The following SUFU variants were observed in gnomAD, a reference collection of about 807,000 sequenced individuals.
The protein encoded by SUFU is SUFU negative regulator of hedgehog signaling.
Under a neutral mutation model 58.9 loss-of-function variants are expected in SUFU, and 7 were observed. The ratio of observed to expected loss-of-function variants is 0.12; its 90% CI spans 0.07 to 0.22. The LOEUF is 0.22. SUFU is among the 10% of genes least tolerant of loss of function. The pLI, the probability that SUFU is intolerant of heterozygous loss-of-function variation, is 1.00. For missense variants in SUFU, 451 were observed against 641.3 expected (o/e 0.70, Z 3.20); for synonymous variants, 232 against 254.8 (o/e 0.91, Z 0.85).
At chr10:102,518,460 T>C (rs1214630840) in intron 2 of SUFU, among the ~76,000 whole-genome samples, 1 of 152,118 alleles carries the variant, frequency 6.6e-6, no homozygotes, top group Non-Finnish European at 1.5e-5. Flanking sequence ...AGAAAGTGCT[T>C]TGTGGGGGGA....
At position 102,569,089 on chromosome 10, in the gene SUFU, A is replaced by G. The variant is rs553237824; in HGVS notation, c.454+18983A>G. On this transcript the variant is annotated intron_variant, in intron 3 of 11. Transcript: ENST00000369902. Reference sequence around the variant, plus strand: ...TTTCCAGTTTTCCCTATTTTAAACAACACTATAAGATTGTTGCCCATATAT... The same window carrying G: ...TTTCCAGTTTTCCCTATTTTAAACAGCACTATAAGATTGTTGCCCATATAT... Among the ~76,000 whole-genome samples the G allele has an allele frequency of 2.0e-5, 3 of 151,292 alleles. No homozygotes were observed. In the East Asian group the frequency reaches 5.8e-4, roughly 29 times the overall value.
At chr10:102,618,795 C>CGGGCTGCT in intron 10 of SUFU, 2 of 540,632 alleles carry the variant, frequency 3.7e-6, no homozygotes, top group East Asian at 5.9e-5. Context: ...AGCCATGTCC[C>CGGGCTGCT]GGGCTGCTGC....
chr10:102,509,094 A>C (rs2062366041), intron 1 of SUFU, 75 bp from the exon 2 acceptor site: 89 of 1,604,910 alleles, frequency 5.5e-5, no homozygotes, highest in Non-Finnish European at 7.3e-5. Flanking sequence ...TTAGGTTTAC[A>C]AAGTAGAGCG....
At chr10:102,506,538 C>G (rs1286156947) in intron 1 of SUFU, among the ~76,000 whole-genome samples, 5 of 152,172 alleles carry the variant, frequency 3.3e-5, no homozygotes, top group African/African-American at 4.8e-5. Flanking sequence ...GCCACCTTGC[C>G]CAGCTAATTT....
At chr10:102,592,020 T>C (rs1206500281) in intron 3 of SUFU, among the ~76,000 whole-genome samples, 3 of 152,216 alleles carry the variant, frequency 2.0e-5, no homozygotes, top group African/African-American at 2.4e-5. Flanking sequence ...GACCTCCATT[T>C]ACTTGAAGCC....
chr10:102,545,392 C>G (rs937408045), intron 2 of SUFU, among the ~76,000 whole-genome samples: 8 of 151,668 alleles, frequency 5.3e-5, no homozygotes, highest in Admixed American at 4.6e-4. Flanking sequence ...CCTCGGTCCC[C>G]CAAAGTGCTG....
At chr10:102,618,979 T>TGTGTGTGTGTG (rs1370534915) in intron 10 of SUFU, 1 of 988,234 alleles carries the variant, frequency 1.0e-6, no homozygotes, top group Non-Finnish European at 1.6e-6. Context: ...TGTGTGTGTG[T>TGTGTGTGTGTG]AATGTTCAAG....
rs2063722049 is a variant in SUFU, at chr10:102,619,489, T to G, written c.1296+2061T>G. 8.5e-7 allele frequency: 1 copy of G among 1,179,724 alleles called. No individual in the cohort carries two copies. Among genetic ancestry groups the G allele is most frequent in the Non-Finnish European group, 1.1e-6 (1 of 947,796 alleles). The allele number at this position is 1,179,724 out of a possible 1,614,324, so 73.1% of individuals were successfully genotyped here. ...TCAAAGGCCTGTGTTATGGGCTCAT[T>G]AGTGTGGTCCACCACGGGGCCGGCT... On this transcript the variant is annotated intron_variant, in intron 10 of 11. Transcript: ENST00000369902. The surrounding 1 kb of genome is among the most constrained non-coding windows in gnomAD (Gnocchi z 4.2).
rs138165977 is a variant in SUFU at position 102,601,218 on chromosome 10, C to T, written c.1022+1674C>T. ...CCCCGCTTGTGTATCTGGAACAGGC[C>T]TGAGATCTCACTCCCTGGCTTGGGG... is the stretch of plus-strand genomic sequence containing the variant. On this transcript the variant is annotated intron_variant, in intron 8 of 11. Transcript: ENST00000369902. Among the ~76,000 whole-genome samples the T allele has an allele frequency of 4.9e-3, 742 of 152,278 alleles. 4 individuals carry two copies. Among genetic ancestry groups the T allele is most frequent in the African/African-American group, 0.017 (696 of 41,572 alleles).
chr10:102,555,457 C>T (rs920959062), intron 3 of SUFU, among the ~76,000 whole-genome samples: 1 of 151,718 alleles, frequency 6.6e-6, no homozygotes, highest in Non-Finnish European at 1.5e-5. Flanking sequence ...CTTACTCACA[C>T]GGAAAATCAG....
rs755684177 is a variant in SUFU, at chr10:102,593,591, G to A, written c.598-45G>A. 1.4e-5 allele frequency: 23 copies of A among 1,596,708 alleles called. No homozygotes were observed. The East Asian group carries it at 4.9e-4, about 34-fold the overall frequency. On this transcript the variant is annotated intron_variant, in intron 4 of 11. Coordinates refer to ENST00000369902, the MANE Select transcript of SUFU (RefSeq NM_016169.4). ...TGGGTAGCTGACCTTCTTGGGGTGG[G>A]GGGTGGCCATTAACACACAATGGGC...
At chr10:102,604,439 C>A (rs1429755388) in intron 8 of SUFU, among the ~76,000 whole-genome samples, 1 of 152,180 alleles carries the variant, frequency 6.6e-6, no homozygotes, top group Non-Finnish European at 1.5e-5. Context: ...GAGATGAAGT[C>A]ACGGCCATTG....
chr10:102,616,001 G>A (rs1475380282), intron 9 of SUFU, among the ~76,000 whole-genome samples: 2 of 152,170 alleles, frequency 1.3e-5, no homozygotes, highest in African/African-American at 2.4e-5. Context: ...GACAAGCCCA[G>A]GGCAGGGATG....
At chr10:102,606,764 A>T (rs929157048) in intron 8 of SUFU, among the ~76,000 whole-genome samples, 1 of 152,172 alleles carries the variant, frequency 6.6e-6, no homozygotes, top group African/African-American at 2.4e-5. Flanking sequence ...TGAGAGAGGC[A>T]TACTAAAAAA....
chr10:102,513,601 G>A (rs1245654585), intron 2 of SUFU, among the ~76,000 whole-genome samples: 4 of 152,216 alleles, frequency 2.6e-5, no homozygotes, highest in African/African-American at 9.6e-5. Flanking sequence ...AACACGGTCT[G>A]GGAGCAGAGC....
chr10:102,583,812 C>T (rs937604301), intron 3 of SUFU, among the ~76,000 whole-genome samples: 15 of 152,120 alleles, frequency 9.9e-5, no homozygotes, highest in Admixed American at 6.6e-4. Flanking sequence ...CCGATTAACT[C>T]GTCATTTAAC....
Position 102,630,598 on chromosome 10 carries a change from T to C in SUFU, c.*443T>C. On this transcript the variant is annotated 3_prime_UTR_variant, in exon 12 of 12. Transcript: ENST00000369902. ...GCTCATCTCTGGAAGCCTTTGCTAC[T>C]CAAGCTCCTCTGGCCGCGGAACAAT... is the stretch of plus-strand genomic sequence containing the variant. 1 of 331,352 alleles carries C rather than the reference T, an allele frequency of 3.0e-6. No individual in the cohort carries two copies. The highest frequency in any genetic ancestry group is 5.0e-5 in the South Asian group (1 of 20,020). 20.5% of individuals were successfully genotyped at this position (331,352 alleles called of 1,614,324 possible). A position where few individuals can be genotyped will look rare whatever the true frequency, so the allele number is the denominator to read the frequency against.
intron 2 of SUFU, among the ~76,000 whole-genome samples, chr10:102,516,398 G>C (rs1397600839): frequency 6.6e-6 from 1 of 152,086 alleles, no homozygotes; most frequent in Non-Finnish European, 1.5e-5. Flanking sequence ...GTTCCCAGCA[G>C]ATGTCTGTGG....
At position 102,568,941 on chromosome 10, in the gene SUFU, T is replaced by TACACAC. The variant is rs1379151827; in HGVS notation, c.454+18836_454+18837insCACACA. On this transcript the variant is annotated intron_variant, in intron 3 of 11. Transcript: ENST00000369902. The stretch of plus-strand genomic sequence containing the variant: ...ATATACACATATATATATATATATA[T>TACACAC]ATATATATATATATATATATATCTA... 4.1e-4 allele frequency among the ~76,000 whole-genome samples: 28 copies of TACACAC among 68,406 alleles called. 1 individual carries two copies. The highest frequency in any genetic ancestry group is 1.2e-3 in the African/African-American group (23 of 19,578). The allele number at this position is 68,406 out of a possible 152,430, so 44.9% of individuals were successfully genotyped here. A position where few individuals can be genotyped will look rare whatever the true frequency, so the allele number is the denominator to read the frequency against.
Sources: gnomAD v4.1 joint callset for allele counts (sites outside exome capture counted in the v4.1 genomes callset) on GRCh38, gnomAD v4.1.1 for gene constraint, Gnocchi (gnomAD v3.1) non-coding constraint, MANE v1.5 for transcripts, NCBI Gene and HGNC (gene_info 2026-07-23, HGNC 2026-07-21) for gene names.